The following TBX20 variants were observed in gnomAD, a reference collection of about 807,000 sequenced individuals.
The protein encoded by TBX20 is T-box transcription factor TBX20.
TBX20 carries 8 observed loss-of-function variants against 42.9 expected under a neutral mutation model. The observed-to-expected ratio is 0.19, with a 90% CI of 0.11 to 0.34. The LOEUF (loss-of-function observed/expected upper bound fraction) is 0.34, where lower values mean the gene tolerates loss of function less well. Ranked by LOEUF, TBX20 falls within the 10% of genes least tolerant of loss-of-function variation. The probability of loss-of-function intolerance (pLI) is 1.00; values close to 1 mark genes in which losing one functional copy is unlikely to be tolerated. For synonymous variants in TBX20, 198 were observed against 222.8 expected, an observed-to-expected ratio of 0.89 and a Z score of 0.99; for missense variants, 411 against 566.0, an observed-to-expected ratio of 0.73 and a Z score of 2.78.
At position 35,253,380 on chromosome 7, in the gene TBX20, TGTATG is replaced by T. The variant is rs1790341840; in HGVS notation, c.127+109_127+113del. On this transcript the variant is annotated intron_variant, in intron 1 of 7. Coordinates refer to ENST00000408931, the MANE Select transcript of TBX20 (RefSeq NM_001077653.2). Reference sequence around the variant, plus strand: ...AAAGAAAAAGATCTCCCACCCGCGATGTATGGCTCATGGCTTGAGCATCAGACGTT... The same window carrying T: ...AAAGAAAAAGATCTCCCACCCGCGATGCTCATGGCTTGAGCATCAGACGTT... 3.1e-6 allele frequency: 4 copies of T among 1,270,604 alleles called. No homozygotes were observed. In the South Asian group the frequency reaches 3.9e-5, roughly 12 times the overall value. The allele number at this position is 1,270,604 out of a possible 1,614,324, so 78.7% of individuals were successfully genotyped here.
intron 1 of TBX20, among the ~76,000 whole-genome samples, chr7:35,251,018 A>C (rs1356401523): frequency 6.6e-6 from 1 of 152,166 alleles, no homozygotes; most frequent in Admixed American, 6.5e-5. Flanking sequence ...TCAAATCCAG[A>C]CCAGCAGTGT....
intron 6 of TBX20, among the ~76,000 whole-genome samples, chr7:35,221,047 T>A (rs2532164): frequency 0.53 from 79,802 of 151,642 alleles, 21,215 homozygotes; most frequent in Admixed American, 0.61. Context: ...AGATATAAGA[T>A]GTTCTCCCAA....
intron 5 of TBX20, among the ~76,000 whole-genome samples, chr7:35,231,808 C>T (rs867955987): frequency 6.6e-6 from 1 of 152,014 alleles, no homozygotes; most frequent in Non-Finnish European, 1.5e-5. Flanking sequence ...TGGAGGTTGA[C>T]AGATAGATAC....
At chr7:35,203,819 A>C (rs1430198788) in intron 7 of TBX20, among the ~76,000 whole-genome samples, 2 of 152,202 alleles carry the variant, frequency 1.3e-5, no homozygotes, top group East Asian at 3.9e-4. Context: ...ATTTCATATT[A>C]AGGACATAAA....
At position 35,227,885 on chromosome 7, in the gene TBX20, G is replaced by C. The variant is rs145547634; in HGVS notation, c.890+3619C>G. Among the ~76,000 whole-genome samples, 591 of 152,250 alleles carry C rather than the reference G, an allele frequency of 3.9e-3. 1 individual carries two copies. The highest frequency in any genetic ancestry group is 0.014 in the African/African-American group (566 of 41,564). ...GAAAACATTCTGGAAACGGATAGCAGTGATGGTTATGTGACATCATGAATG... is the reference window on the plus strand; with the variant it reads ...GAAAACATTCTGGAAACGGATAGCACTGATGGTTATGTGACATCATGAATG... On this transcript the variant is annotated intron_variant, in intron 6 of 7. Transcript: ENST00000408931.
At chr7:35,205,484 AAGGAC>A (rs1789385551) in intron 6 of TBX20, among the ~76,000 whole-genome samples, 1 of 152,208 alleles carries the variant, frequency 6.6e-6, no homozygotes, top group Non-Finnish European at 1.5e-5. Context: ...TTGACCAGCA[AAGGAC>A]AAAAGAAGAC....
chr7:35,234,158 ATCTC>A (rs1584352087), intron 5 of TBX20, among the ~76,000 whole-genome samples: 1 of 152,356 alleles, frequency 6.6e-6, no homozygotes, highest in East Asian at 1.9e-4. Flanking sequence ...TTTTACAGCC[ATCTC>A]TCTAAGATAT....
intron 6 of TBX20, among the ~76,000 whole-genome samples, chr7:35,226,815 A>C (rs1296551139): frequency 1.3e-5 from 2 of 152,164 alleles, no homozygotes; most frequent in Non-Finnish European, 2.9e-5. Flanking sequence ...TATACGTACT[A>C]TGCTATAATT....
At chr7:35,213,940 G>T (rs2128711027) in intron 6 of TBX20, among the ~76,000 whole-genome samples, 1 of 150,126 alleles carries the variant, frequency 6.7e-6, no homozygotes, top group African/African-American at 2.5e-5. Context: ...AGGGAAGACT[G>T]GGAGTTGGGG....
chr7:35,245,319 G>GTGTGTGTGTGT (rs3219698), intron 3 of TBX20, among the ~76,000 whole-genome samples: 5 of 146,398 alleles, frequency 3.4e-5, no homozygotes, highest in African/African-American at 1.3e-4. Flanking sequence ...TGTTTAAAGG[G>GTGTGTGTGTGT]GTGTGTGTGT....
chr7:35,203,497 G>A (rs1789341927), intron 7 of TBX20, among the ~76,000 whole-genome samples: 10 of 151,486 alleles, frequency 6.6e-5, no homozygotes, highest in Admixed American at 6.6e-4. Flanking sequence ...TTCCACTTAA[G>A]GAATAGTAAA....
At chr7:35,216,784 C>A (rs573088202) in intron 6 of TBX20, among the ~76,000 whole-genome samples, 1 of 151,976 alleles carries the variant, frequency 6.6e-6, no homozygotes, top group East Asian at 1.9e-4. Context: ...ATAGACCTGG[C>A]AAAACTGTGT....
At chr7:35,220,292 G>A (rs1392418449) in intron 6 of TBX20, among the ~76,000 whole-genome samples, 2 of 152,194 alleles carry the variant, frequency 1.3e-5, no homozygotes, top group Non-Finnish European at 2.9e-5. Context: ...TTGCCACACA[G>A]CTGGAGTCTA....
At chr7:35,213,056 CATGGTCT>C (rs1374932473) in intron 6 of TBX20, among the ~76,000 whole-genome samples, 1 of 152,216 alleles carries the variant, frequency 6.6e-6, no homozygotes, top group Non-Finnish European at 1.5e-5. Flanking sequence ...CCCCCACTGC[CATGGTCT>C]ATACCCCCTC....
chr7:35,224,678 A>G (rs1789741505), intron 6 of TBX20, among the ~76,000 whole-genome samples: 1 of 152,140 alleles, frequency 6.6e-6, no homozygotes, highest in African/African-American at 2.4e-5. Context: ...GTTTCCAAAA[A>G]AAAAAAATTC....
At chr7:35,228,434 C>A (rs1473778696) in intron 6 of TBX20, among the ~76,000 whole-genome samples, 1 of 151,974 alleles carries the variant, frequency 6.6e-6, no homozygotes, top group Non-Finnish European at 1.5e-5. Context: ...TGGGGTTTTG[C>A]CAGAGGTCAT....
At chr7:35,224,164 T>G (rs1194209552) in intron 6 of TBX20, among the ~76,000 whole-genome samples, 1 of 152,160 alleles carries the variant, frequency 6.6e-6, no homozygotes, top group Middle Eastern at 3.2e-3. Context: ...TGATAAAATC[T>G]TCAGGTAAAT....
At chr7:35,236,426 A>C (rs188318300) in intron 5 of TBX20, among the ~76,000 whole-genome samples, 22 of 152,278 alleles carry the variant, frequency 1.4e-4, no homozygotes, top group African/African-American at 5.3e-4. Context: ...AGGATATATT[A>C]TTGTATGCTA....
intron 6 of TBX20, among the ~76,000 whole-genome samples, chr7:35,219,635 T>C (rs2907415): frequency 0.12 from 12,495 of 105,878 alleles, no homozygotes; most frequent in East Asian, 0.3. Context: ...CAACCCAGCC[T>C]AGAGCTGTGT....
Sources: gnomAD v4.1 joint callset for allele counts (sites outside exome capture counted in the v4.1 genomes callset) on GRCh38, gnomAD v4.1.1 for gene constraint, MANE v1.5 for transcripts, NCBI Gene and HGNC (gene_info 2026-07-23, HGNC 2026-07-21) for gene names.